LRRC4C: variants seen among roughly 807,000 people sequenced by gnomAD.
LRRC4C encodes leucine-rich repeat-containing protein 4C.
A neutral mutation model predicts 33.6 loss-of-function variants in LRRC4C; 5 were observed. The ratio of observed to expected loss-of-function variants is 0.15; its 90% CI spans 0.08 to 0.31. LRRC4C has a LOEUF of 0.31. LRRC4C is among the 10% of genes least tolerant of loss of function. LRRC4C has a pLI of 1.00. For synonymous variants in LRRC4C, 329 were observed against 302.0 expected (o/e 1.09, Z -0.93); for missense variants, 560 against 796.7 (o/e 0.70, Z 3.58).
At chr11:40,174,240 T>C (rs1860284942) in intron 5 of LRRC4C, among the ~76,000 whole-genome samples, 1 of 152,238 alleles carries the variant, frequency 6.6e-6, no homozygotes, top group Admixed American at 6.5e-5. Flanking sequence ...CCTTGTGTTA[T>C]GCGAAGAATA....
At chr11:40,126,726 C>T (rs1377063195) in intron 6 of LRRC4C, among the ~76,000 whole-genome samples, 1 of 151,370 alleles carries the variant, frequency 6.6e-6, no homozygotes, top group Non-Finnish European at 1.5e-5. Flanking sequence ...TTTGGGAGGT[C>T]AGGGTGGGCA....
At chr11:41,295,456 G>C (rs1465864280) in intron 1 of LRRC4C, among the ~76,000 whole-genome samples, 1 of 152,164 alleles carries the variant, frequency 6.6e-6, no homozygotes, top group Non-Finnish European at 1.5e-5. Flanking sequence ...TGGGATTACA[G>C]TTGTGTTAGT....
At chr11:41,440,429 G>T (rs1339091599) in intron 1 of LRRC4C, among the ~76,000 whole-genome samples, 1 of 151,966 alleles carries the variant, frequency 6.6e-6, no homozygotes, top group Admixed American at 6.6e-5. Context: ...TTTATCTATG[G>T]TCTCCTTTTA....
chr11:40,724,775 CA>C (rs1161799854), intron 2 of LRRC4C, among the ~76,000 whole-genome samples: 3 of 151,956 alleles, frequency 2.0e-5, no homozygotes, highest in East Asian at 1.9e-4. Flanking sequence ...TGAGACCCCC[CA>C]AAAAATCATG....
intron 6 of LRRC4C, among the ~76,000 whole-genome samples, chr11:40,117,403 CAT>C (rs1234566574): frequency 2.6e-5 from 4 of 152,136 alleles, no homozygotes; most frequent in Admixed American, 6.5e-5. Context: ...AGACATATCA[CAT>C]GTTAACTATT....
At chr11:40,595,854 T>C (rs1959232560) in intron 3 of LRRC4C, among the ~76,000 whole-genome samples, 1 of 152,132 alleles carries the variant, frequency 6.6e-6, no homozygotes, top group Non-Finnish European at 1.5e-5. Flanking sequence ...GAAAAGCATA[T>C]TTCTCAATAG....
chr11:41,367,670 C>G (rs1409146516), intron 1 of LRRC4C, among the ~76,000 whole-genome samples: 5 of 152,084 alleles, frequency 3.3e-5, no homozygotes, highest in African/African-American at 1.2e-4. Context: ...CATACCCCTT[C>G]TTCATACGGT....
chr11:41,101,337 G>T (rs1215996214), intron 1 of LRRC4C, among the ~76,000 whole-genome samples: 1 of 152,060 alleles, frequency 6.6e-6, no homozygotes, highest in Non-Finnish European at 1.5e-5. Context: ...AGTGGACAAA[G>T]AATATGAGCA....
At chr11:40,435,186 C>G (rs1951094950) in intron 3 of LRRC4C, among the ~76,000 whole-genome samples, 1 of 152,116 alleles carries the variant, frequency 6.6e-6, no homozygotes, top group African/African-American at 2.4e-5. Context: ...ATTAATGGAC[C>G]CAGTCAGGGT....
chr11:40,998,221 T>C (rs1854118047), intron 1 of LRRC4C, among the ~76,000 whole-genome samples: 1 of 151,114 alleles, frequency 6.6e-6, no homozygotes, highest in Non-Finnish European at 1.5e-5. Flanking sequence ...TTAAAAATAT[T>C]AAAATTGATC....
chr11:41,216,465 A>G (rs1265155326), intron 1 of LRRC4C, among the ~76,000 whole-genome samples: 1 of 152,120 alleles, frequency 6.6e-6, no homozygotes, highest in Non-Finnish European at 1.5e-5. Flanking sequence ...TTAAGTAAAA[A>G]AAAAAAAAAA....
At chr11:40,834,212 G>A (rs1220940670) in intron 2 of LRRC4C, among the ~76,000 whole-genome samples, 1 of 152,110 alleles carries the variant, frequency 6.6e-6, no homozygotes, top group African/African-American at 2.4e-5. Context: ...GGTGGCTCAT[G>A]CCTGTAATCC....
In LRRC4C at chr11:40,333,925, G is replaced by A. The variant is rs1424976710; in HGVS notation, c.-269-14204C>T. On this transcript the variant is annotated intron_variant, in intron 3 of 6. Coordinates refer to ENST00000528697, the MANE Select transcript of LRRC4C (RefSeq NM_001258419.2). ...GAGTGATAGGGAGGAAGGAAAAAAG[G>A]AGGAAAGGAAGAGAAGAAATAAAGT... is the stretch of plus-strand genomic sequence containing the variant. Among the ~76,000 whole-genome samples, 6 of 152,034 alleles carry A rather than the reference G, an allele frequency of 3.9e-5. No individual in the cohort carries two copies. In the East Asian group the frequency reaches 1.2e-3, roughly 29 times the overall value.
intron 1 of LRRC4C, among the ~76,000 whole-genome samples, chr11:41,090,937 A>G (rs2135545351): frequency 6.6e-6 from 1 of 151,998 alleles, no homozygotes; most frequent in African/African-American, 2.4e-5. Flanking sequence ...TAAATTACCC[A>G]GTCTCAGGCA....
At chr11:41,183,437 C>T (rs1215078936) in intron 1 of LRRC4C, among the ~76,000 whole-genome samples, 2 of 152,120 alleles carry the variant, frequency 1.3e-5, no homozygotes, top group African/African-American at 2.4e-5. Context: ...AACAAAGGGG[C>T]TACAGGCCCC....
chr11:40,336,191 A>G (rs1010514516), intron 3 of LRRC4C, among the ~76,000 whole-genome samples: 1 of 152,218 alleles, frequency 6.6e-6, no homozygotes, highest in African/African-American at 2.4e-5. Flanking sequence ...TAACTGTGAC[A>G]GAACACAGGC....
intron 2 of LRRC4C, among the ~76,000 whole-genome samples, chr11:40,733,061 G>GTT (rs544471413): frequency 0.011 from 647 of 57,642 alleles, 110 homozygotes; most frequent in Non-Finnish European, 0.015. Flanking sequence ...TATGAATATA[G>GTT]TTTTTTTTTT....
At chr11:40,847,547 G>T (rs772482544) in intron 2 of LRRC4C, among the ~76,000 whole-genome samples, 2 of 152,134 alleles carry the variant, frequency 1.3e-5, no homozygotes, top group Non-Finnish European at 2.9e-5. Context: ...GATTCAGTTT[G>T]CCAGTATTTT....
At chr11:40,249,371 T>A (rs962661732) in intron 4 of LRRC4C, among the ~76,000 whole-genome samples, 1 of 151,798 alleles carries the variant, frequency 6.6e-6, no homozygotes, top group African/African-American at 2.4e-5. Context: ...ATCTCTTGGC[T>A]GGAGTTAAAT....
Sources: allele counts gnomAD v4.1 joint callset (sites outside exome capture counted in the v4.1 genomes callset), GRCh38; gene constraint gnomAD v4.1.1; transcripts MANE v1.5; gene names NCBI Gene and HGNC (gene_info 2026-07-23, HGNC 2026-07-21).